VWC2L: variants seen among roughly 807,000 people sequenced by gnomAD.
The protein encoded by VWC2L is von Willebrand factor C domain-containing protein 2-like.
VWC2L carries 10 observed loss-of-function variants against 21.6 expected under a neutral mutation model. The observed-to-expected ratio is 0.46, with a 90% CI of 0.29 to 0.78. The LOEUF (loss-of-function observed/expected upper bound fraction) is 0.78. Among genes scored for constraint, VWC2L ranks in the 30% least tolerant of loss-of-function variants. VWC2L has a pLI of 0.10. For synonymous variants in VWC2L, 96 were observed against 94.3 expected, an observed-to-expected ratio of 1.02 and a Z score of -0.10; for missense variants, 209 against 277.1, an observed-to-expected ratio of 0.75 and a Z score of 1.74.
chr2:214,491,870 T>C (rs1321720606), intron 3 of VWC2L, among the ~76,000 whole-genome samples: 4 of 152,298 alleles, frequency 2.6e-5, no homozygotes, highest in Non-Finnish European at 5.9e-5. Flanking sequence ...CATAGCTACA[T>C]AGTAAACATT....
chr2:214,487,653 A>G (rs1362733327), intron 3 of VWC2L, among the ~76,000 whole-genome samples: 1 of 152,164 alleles, frequency 6.6e-6, no homozygotes, highest in Non-Finnish European at 1.5e-5. Context: ...CTTCCATGAA[A>G]CTTTTGCCCT....
chr2:214,497,034 C>T (rs534660620), intron 3 of VWC2L, among the ~76,000 whole-genome samples: 3 of 152,248 alleles, frequency 2.0e-5, no homozygotes, highest in African/African-American at 4.8e-5. Context: ...TCTGTTCCAT[C>T]GTTAAGGTGA....
chr2:214,461,457 T>C (rs1421536882), intron 3 of VWC2L, among the ~76,000 whole-genome samples: 2 of 152,148 alleles, frequency 1.3e-5, no homozygotes, highest in Non-Finnish European at 2.9e-5. Context: ...AGGTGAGTGT[T>C]GGCAGTAGTG....
chr2:214,498,690 A>G lies in VWC2L; in HGVS notation c.520+61932A>G, dbSNP rs915887302. On this transcript the variant is annotated intron_variant, in intron 3 of 3. Transcript: ENST00000312504. ...CATATTTTTATATATGGGTGTATAT[A>G]TTATACATATACATATTTTTATATG... Among the ~76,000 whole-genome samples the G allele has an allele frequency of 1.8e-4, 7 of 39,220 alleles. 1 individual carries two copies. Among genetic ancestry groups the G allele is most frequent in the Non-Finnish European group, 5.8e-4 (7 of 12,074 alleles). The allele number at this position is 39,220 out of a possible 152,430, so 25.7% of individuals were successfully genotyped here.
rs55864016 is a variant in VWC2L, at chr2:214,563,546, C to CAAAAAAAAAAA, written c.521-12101_521-12091dup. Among the ~76,000 whole-genome samples the CAAAAAAAAAAA allele has an allele frequency of 5.5e-3, 524 of 95,808 alleles. 27 individuals are homozygous for CAAAAAAAAAAA. The highest frequency in any genetic ancestry group is 7.8e-3 in the Non-Finnish European group (378 of 48,174). The allele number at this position is 95,808 out of a possible 152,430, so 62.9% of individuals were successfully genotyped here. ...TGGGTGACACAGCAAGACTCCGTCT[C>CAAAAAAAAAAA]AAAAAAAAAAAAAAAAAAAAAAAAA... On this transcript the variant is annotated intron_variant, in intron 3 of 3. Transcript: ENST00000312504.
chr2:214,507,723 G>A (rs1355327518), intron 3 of VWC2L, among the ~76,000 whole-genome samples: 1 of 152,120 alleles, frequency 6.6e-6, no homozygotes, highest in Admixed American at 6.5e-5. Flanking sequence ...CTATATTAGT[G>A]AGTTTGACAG....
chr2:214,568,460 T>G (rs1237345883), intron 3 of VWC2L, among the ~76,000 whole-genome samples: 1 of 152,192 alleles, frequency 6.6e-6, no homozygotes, highest in Non-Finnish European at 1.5e-5. Flanking sequence ...TACCCGAGAC[T>G]AGGTAATGTA....
chr2:214,425,667 T>C (rs1702510434), intron 2 of VWC2L, among the ~76,000 whole-genome samples: 1 of 152,194 alleles, frequency 6.6e-6, no homozygotes, highest in Non-Finnish European at 1.5e-5. Flanking sequence ...CATTATTGCA[T>C]TTGTAAAATC....
At chr2:214,509,407 C>T (rs1339433272) in intron 3 of VWC2L, among the ~76,000 whole-genome samples, 1 of 151,992 alleles carries the variant, frequency 6.6e-6, no homozygotes, top group Admixed American at 6.5e-5. Flanking sequence ...AAGACACAGC[C>T]TATATACCCC....
Position 214,453,823 on chromosome 2 carries a change from C to T in VWC2L, c.520+17065C>T, listed in dbSNP as rs529272440. ...ACAACCTCCTCCTCCCAGGTTCAAG[C>T]GCTTCTCCTGTCTCAGCCTCCCAAG... On this transcript the variant is annotated intron_variant, in intron 3 of 3. Transcript: ENST00000312504. 4.9e-4 allele frequency among the ~76,000 whole-genome samples: 74 copies of T among 151,472 alleles called. No homozygotes were observed. In the South Asian group the frequency reaches 0.013, roughly 27 times the overall value.
At chr2:214,546,970 A>AGT (rs1689717654) in intron 3 of VWC2L, among the ~76,000 whole-genome samples, 1 of 152,160 alleles carries the variant, frequency 6.6e-6, no homozygotes, top group Non-Finnish European at 1.5e-5. Context: ...CCACGTACTG[A>AGT]GTGTCTTTGT....
At chr2:214,496,275 TC>T (rs1688812278) in intron 3 of VWC2L, among the ~76,000 whole-genome samples, 10 of 151,280 alleles carry the variant, frequency 6.6e-5, no homozygotes, top group Admixed American at 6.6e-4. Flanking sequence ...AAGTAACTCA[TC>T]AGTGACTGAA....
chr2:214,570,379 T>C (rs1241458287), intron 3 of VWC2L, among the ~76,000 whole-genome samples: 2 of 152,342 alleles, frequency 1.3e-5, no homozygotes, highest in East Asian at 3.9e-4. Flanking sequence ...ATTATTATTA[T>C]TCGAGATAGG....
In VWC2L at chr2:214,555,299, G is replaced by A. The variant is rs1040995418; in HGVS notation, c.521-20373G>A. Among the ~76,000 whole-genome samples the A allele has an allele frequency of 4.6e-5, 7 of 152,164 alleles. No individual in the cohort carries two copies. In the East Asian group the frequency reaches 5.8e-4, roughly 13 times the overall value. On this transcript the variant is annotated intron_variant, in intron 3 of 3. Transcript: ENST00000312504. ...TTTGATGTCTGCTTGTAACTTCTAC[G>A]TCTAATATGTATAAAATCCAGCTGT...
At chr2:214,459,448 T>A (rs768085853) in intron 3 of VWC2L, among the ~76,000 whole-genome samples, 1 of 152,248 alleles carries the variant, frequency 6.6e-6, no homozygotes, top group Non-Finnish European at 1.5e-5. Flanking sequence ...TTGCTTTGTA[T>A]GTCCTTTGTT....
intron 3 of VWC2L, among the ~76,000 whole-genome samples, chr2:214,540,018 C>A (rs974706824): frequency 6.6e-6 from 1 of 151,998 alleles, no homozygotes; most frequent in African/African-American, 2.4e-5. Context: ...CCTACCATAT[C>A]CTTCCCAAGA....
At chr2:214,568,361 C>T (rs1450835501) in intron 3 of VWC2L, among the ~76,000 whole-genome samples, 5 of 152,120 alleles carry the variant, frequency 3.3e-5, no homozygotes, top group East Asian at 1.9e-4. Flanking sequence ...TTATTCATTG[C>T]CACATCACTA....
chr2:214,457,123 A>G (rs1015841032), intron 3 of VWC2L, among the ~76,000 whole-genome samples: 9 of 152,114 alleles, frequency 5.9e-5, no homozygotes, highest in Non-Finnish European at 1.5e-5. Flanking sequence ...GTATTTTGAA[A>G]GAAATTGCGT....
intron 3 of VWC2L, among the ~76,000 whole-genome samples, chr2:214,502,427 G>A (rs1255047922): frequency 6.6e-6 from 1 of 152,052 alleles, no homozygotes; most frequent in Non-Finnish European, 1.5e-5. Flanking sequence ...AAAATTAGCT[G>A]GGCATAGTGG....
Sources: gnomAD v4.1 joint callset for allele counts (sites outside exome capture counted in the v4.1 genomes callset) on GRCh38, gnomAD v4.1.1 for gene constraint, MANE v1.5 for transcripts, NCBI Gene and HGNC (gene_info 2026-07-23, HGNC 2026-07-21) for gene names.